Variants in SUPT20HL1 observed in about 807,000 individuals in gnomAD.
SUPT20HL1 encodes the protein SUPT20H like 1, also known as transcription factor SPT20 homolog-like 1.
For missense variants in SUPT20HL1, 277 were observed against 200.3 expected, an observed-to-expected ratio of 1.38 and a Z score of -2.31; for synonymous variants, 133 against 79.2, an observed-to-expected ratio of 1.68 and a Z score of -3.61.
Position 24,365,532 on chromosome X carries a change from A to AT in SUPT20HL1, c.*112dup. On this transcript the variant is annotated 3_prime_UTR_variant, in exon 1 of 1. Transcript: ENST00000686983. ...TTTTTTTCATGTTTCGGTATTTTAC[A>AT]TTTTAAAGTACACAGTTTACACAGA... 1.1e-5 allele frequency: 3 copies of AT among 283,311 alleles called. No individual in the cohort carries two copies. Among genetic ancestry groups the AT allele is most frequent in the East Asian group, 1.8e-4 (2 of 11,072 alleles). The allele number at this position is 283,311 out of a possible 1,213,427, so 23.3% of individuals were successfully genotyped here. A position where few individuals can be genotyped will look rare whatever the true frequency, so the allele number is the denominator to read the frequency against.
At position 24,362,559 on chromosome X, in the gene SUPT20HL1, G is replaced by A. The variant is rs1939435529; in HGVS notation, c.-202G>A. On this transcript the variant is annotated 5_prime_UTR_variant, in exon 1 of 1. Coordinates refer to ENST00000686983, the MANE Select transcript of SUPT20HL1 (RefSeq NM_001136234.3). ...TCCGGCCACGACGACGACCCCTCAG[G>A]TACCCATGTTTTCAGAAACCCTCAA... Among the ~76,000 whole-genome samples, 1 of 112,384 alleles carries A rather than the reference G, an allele frequency of 8.9e-6. No individual in the cohort carries two copies. Among genetic ancestry groups the A allele is most frequent in the Non-Finnish European group, 1.9e-5 (1 of 53,184 alleles).
rs759119802 is a variant in SUPT20HL1 at position 24,365,142 on chromosome X, G to A, written c.2382G>A (p.Pro794=). ...LRQQQPQPQP[P]KLQLQPQWQP... The stretch of plus-strand genomic sequence containing the variant: ...AGCAGCAGCCACAGCCACAGCCGCC[G>A]AAGCTGCAACTGCAACCGCAGTGGC... Residue 794 remains proline (P), a synonymous_variant, in exon 1 of 1, where the codon CCG becomes CCA. Transcript: ENST00000686983. 3 of 343,991 alleles carry A rather than the reference G, an allele frequency of 8.7e-6. 1 individual carries two copies. The highest frequency in any genetic ancestry group is 1.8e-5 in the Non-Finnish European group (3 of 171,420). 28.3% of individuals were successfully genotyped at this position (343,991 alleles called of 1,213,427 possible).
rs1366925107 is a variant in SUPT20HL1 at position 24,366,370 on chromosome X, C to G, written c.*946C>G. 8.9e-6 allele frequency among the ~76,000 whole-genome samples: 1 copy of G among 111,736 alleles called. No homozygotes were observed. Among genetic ancestry groups the G allele is most frequent in the Non-Finnish European group, 1.9e-5 (1 of 53,152 alleles). Reference sequence around the variant, plus strand: ...AAAAGTACAATACAGTGATCCTTGTCACACTGCGATTGAATACATGGAAGA... The same window carrying G: ...AAAAGTACAATACAGTGATCCTTGTGACACTGCGATTGAATACATGGAAGA... On this transcript the variant is annotated 3_prime_UTR_variant, in exon 1 of 1. Transcript: ENST00000686983.
rs1166252967 is a variant in SUPT20HL1 at position 24,361,846 on chromosome X, A to G, written c.-915A>G. 8.9e-6 allele frequency among the ~76,000 whole-genome samples: 1 copy of G among 112,112 alleles called. No homozygotes were observed. The highest frequency in any genetic ancestry group is 1.9e-5 in the Non-Finnish European group (1 of 53,276). ...GTCAGGTACTGATGCATCTACATGAACACCCCCAGGCGGGAGCTCACTCGA... is the reference window on the plus strand; with the variant it reads ...GTCAGGTACTGATGCATCTACATGAGCACCCCCAGGCGGGAGCTCACTCGA... On this transcript the variant is annotated 5_prime_UTR_variant, in exon 1 of 1. Transcript: ENST00000686983.
rs1157266826 is a variant in SUPT20HL1, at chrX:24,366,734, C to T, written c.*1310C>T. On this transcript the variant is annotated 3_prime_UTR_variant, in exon 1 of 1. Transcript: ENST00000686983. ...ATCAGTTGTTCATCTGTTTCTGCTC[C>T]CTCATTTTTTCCCTTGTTCCAGTGA... 1.1e-5 allele frequency among the ~76,000 whole-genome samples: 1 copy of T among 94,701 alleles called. No individual in the cohort carries two copies. The highest frequency in any genetic ancestry group is 2.0e-5 in the Non-Finnish European group (1 of 50,044). The allele number at this position is 94,701 out of a possible 115,157, so 82.2% of individuals were successfully genotyped here. A position where few individuals can be genotyped will look rare whatever the true frequency, so the allele number is the denominator to read the frequency against.
rs767162353 is a variant in SUPT20HL1 at position 24,365,160 on chromosome X, G to A, written c.2400G>A (p.Pro800=). 3.5e-5 allele frequency: 12 copies of A among 345,048 alleles called. No homozygotes were observed. Among genetic ancestry groups the A allele is most frequent in the Middle Eastern group, 9.4e-4 (2 of 2,123 alleles). 28.4% of individuals were successfully genotyped at this position (345,048 alleles called of 1,213,427 possible). Residue 800 remains proline, a synonymous_variant, in exon 1 of 1, where the codon CCG becomes CCA. Transcript: ENST00000686983. The stretch of plus-strand genomic sequence containing the variant: ...AGCCGCCGAAGCTGCAACTGCAACC[G>A]CAGTGGCAGCCAAAGCCACGGCAGG... The part of the protein sequence containing the change: ...QPQPPKLQLQ[P]QWQPKPRQEQ...
rs991485093 is a variant in SUPT20HL1, at chrX:24,362,520, G to T, written c.-241G>T. On this transcript the variant is annotated 5_prime_UTR_variant, in exon 1 of 1. Transcript: ENST00000686983. ...CTCCCGCTCACTTCCGTTCCAGGCCGCAGAGACGCGAAGTCCGGCCACGAC... is the reference window on the plus strand; with the variant it reads ...CTCCCGCTCACTTCCGTTCCAGGCCTCAGAGACGCGAAGTCCGGCCACGAC... Among the ~76,000 whole-genome samples the T allele has an allele frequency of 9.2e-6, 1 of 108,210 alleles. No homozygotes were observed. The highest frequency in any genetic ancestry group is 1.9e-5 in the Non-Finnish European group (1 of 51,984). The allele number at this position is 108,210 out of a possible 115,157, so 94.0% of individuals were successfully genotyped here.
chrX:24,364,595 A>G lies in SUPT20HL1; in HGVS notation c.1835A>G (p.Asn612Ser), dbSNP rs756628305. The change falls in exon 1 of 1, where the codon AAT becomes AGT. Residue 612 changes from asparagine to serine, a missense_variant. Physicochemically the swap from Asn to Ser is conservative, Grantham distance 46 (BLOSUM62 1). Coordinates refer to ENST00000686983, the MANE Select transcript of SUPT20HL1 (RefSeq NM_001136234.3). ...GGCTCCACTGGCCTAAAGGCCATCA[A>G]TGTGGAGGGCCCAGTCCAGGGAGCC... ...RTGSTGLKAI[N>S]VEGPVQGAQA... 1.6e-5 allele frequency: 8 copies of G among 514,370 alleles called. No homozygotes were observed. The highest frequency in any genetic ancestry group is 2.9e-5 in the Non-Finnish European group (8 of 275,441). 42.4% of individuals were successfully genotyped at this position (514,370 alleles called of 1,213,427 possible).
chrX:24,365,144 A>T lies in SUPT20HL1; in HGVS notation c.2384A>T (p.Lys795Met), dbSNP rs1395278379. 5.8e-6 allele frequency: 2 copies of T among 344,358 alleles called. No individual in the cohort carries two copies. Among genetic ancestry groups the T allele is most frequent in the Admixed American group, 6.2e-5 (2 of 32,252 alleles). 28.4% of individuals were successfully genotyped at this position (344,358 alleles called of 1,213,427 possible). A position where few individuals can be genotyped will look rare whatever the true frequency, so the allele number is the denominator to read the frequency against. Residue 795 changes from lysine (K) to methionine (M), a missense_variant, in exon 1 of 1, where the codon AAG (lysine) becomes ATG (methionine). By Grantham distance (95) the Lys-to-Met change is moderately conservative. Transcript: ENST00000686983. Reference sequence around the variant, plus strand: ...CAGCAGCCACAGCCACAGCCGCCGAAGCTGCAACTGCAACCGCAGTGGCAG... The same window carrying T: ...CAGCAGCCACAGCCACAGCCGCCGATGCTGCAACTGCAACCGCAGTGGCAG... Reference protein sequence around the residue: ...RQQQPQPQPPKLQLQPQWQPK... With the variant: ...RQQQPQPQPPMLQLQPQWQPK...
In SUPT20HL1 at chrX:24,367,462, G is replaced by A. The variant is rs1178167356; in HGVS notation, c.*2038G>A. Among the ~76,000 whole-genome samples the A allele has an allele frequency of 8.9e-6, 1 of 112,428 alleles. No homozygotes were observed. Among genetic ancestry groups the A allele is most frequent in the Non-Finnish European group, 1.9e-5 (1 of 53,305 alleles). On this transcript the variant is annotated 3_prime_UTR_variant, in exon 1 of 1. Coordinates refer to ENST00000686983, the MANE Select transcript of SUPT20HL1 (RefSeq NM_001136234.3). ...ACATCAGTGAAGAGGCAGGTAACTG[G>A]TTAATCTTACTTGACAAAACCTATT...
At position 24,363,567 on chromosome X, in the gene SUPT20HL1, A is replaced by C. The variant is rs1939444348; in HGVS notation, c.807A>C (p.Gln269His). ...AGCTGAGAGTGTCGACTTCTGGCCA[A>C]AAAGAAGAAAGAAAAGTAGGTCAGC... ...PPELRVSTSG[Q>H]KEERKVGQPC... The change falls in exon 1 of 1, where the codon CAA (glutamine) becomes CAC (histidine). Residue 269 changes from glutamine to histidine, a missense_variant. Gln to His is a conservative substitution (Grantham distance 24, BLOSUM62 0). Transcript: ENST00000686983. 2 of 387,474 alleles carry C rather than the reference A, an allele frequency of 5.2e-6. No individual in the cohort carries two copies. The highest frequency in any genetic ancestry group is 2.5e-5 in the African/African-American group (1 of 39,893). The allele number at this position is 387,474 out of a possible 1,213,427, so 31.9% of individuals were successfully genotyped here.
rs1030311412 is a variant in SUPT20HL1, at chrX:24,362,096, T to C, written c.-665T>C. Among the ~76,000 whole-genome samples, 2 of 112,725 alleles carry C rather than the reference T, an allele frequency of 1.8e-5. No individual in the cohort carries two copies. The highest frequency in any genetic ancestry group is 6.4e-5 in the African/African-American group (2 of 31,106). On this transcript the variant is annotated 5_prime_UTR_variant, in exon 1 of 1. An upstream open reading frame in the 5' UTR loses its in-frame stop. Transcript: ENST00000686983. Reference sequence around the variant, plus strand: ...CCGACAGCGGCATTCCTGTGGAAACTGATGTCTATGCACGGTGCGAAAGAT... The same window carrying C: ...CCGACAGCGGCATTCCTGTGGAAACCGATGTCTATGCACGGTGCGAAAGAT...
In SUPT20HL1 at chrX:24,364,307, CTGCTCCTGCTCCTGCTCTAGCTGCTGCTG is replaced by C. The variant is rs1228857966; in HGVS notation, c.1548_1576del (p.Ala517CysfsTer54). ...GCTGCTGCTGCTGCTGCTGCTGCTG[CTGCTCCTGCTCCTGCTCTAGCTGCTGCTG>C]CTGCTCCTGCTCTAGCTGCTGCTGC... On this transcript the variant is annotated frameshift_variant, in exon 1 of 1. Coordinates refer to ENST00000686983, the MANE Select transcript of SUPT20HL1 (RefSeq NM_001136234.3). LOFTEE classifies it low-confidence loss of function (END_TRUNC). The C allele has an allele frequency of 3.4e-4, 307 of 901,287 alleles. No homozygotes were observed. The African/African-American group carries it at 5.7e-3, about 17-fold the overall frequency. The allele number at this position is 901,287 out of a possible 1,213,427, so 74.3% of individuals were successfully genotyped here. A position where few individuals can be genotyped will look rare whatever the true frequency, so the allele number is the denominator to read the frequency against.
In SUPT20HL1 at chrX:24,361,962, G is replaced by T. The variant is rs773964792; in HGVS notation, c.-799G>T. 1.8e-5 allele frequency among the ~76,000 whole-genome samples: 2 copies of T among 112,337 alleles called. No individual in the cohort carries two copies. The highest frequency in any genetic ancestry group is 9.4e-5 in the Admixed American group (1 of 10,624). On this transcript the variant is annotated 5_prime_UTR_variant, in exon 1 of 1. Coordinates refer to ENST00000686983, the MANE Select transcript of SUPT20HL1 (RefSeq NM_001136234.3). Reference sequence around the variant, plus strand: ...TACCGCGGGCTCATTCCGCAGCCCAGTGGCTGACAGATACCAACAGCAGCC... The same window carrying T: ...TACCGCGGGCTCATTCCGCAGCCCATTGGCTGACAGATACCAACAGCAGCC...
rs1264337079 is a variant in SUPT20HL1, at chrX:24,365,589, G to A, written c.*165G>A. On this transcript the variant is annotated 3_prime_UTR_variant, in exon 1 of 1. Coordinates refer to ENST00000686983, the MANE Select transcript of SUPT20HL1 (RefSeq NM_001136234.3). ...ATCCACTGATTTTTCTTTAGAAACGGAAGTGATTTCCTAAAGGAGCGTTGT... is the reference window on the plus strand; with the variant it reads ...ATCCACTGATTTTTCTTTAGAAACGAAAGTGATTTCCTAAAGGAGCGTTGT... Among the ~76,000 whole-genome samples, 1 of 111,613 alleles carries A rather than the reference G, an allele frequency of 9.0e-6. No individual in the cohort carries two copies. The highest frequency in any genetic ancestry group is 1.9e-5 in the Non-Finnish European group (1 of 53,183).
rs1204841645 is a variant in SUPT20HL1, at chrX:24,365,094, C to T, written c.2334C>T (p.Val778=). The part of the protein sequence containing the change: ...LGSAQVPQQG[V]QLPSVLRQQQ... Reference sequence around the variant, plus strand: ...CTGCCCAGGTTCCTCAGCAGGGTGTCCAGCTCCCCTCTGTCTTGAGGCAGC... The same window carrying T: ...CTGCCCAGGTTCCTCAGCAGGGTGTTCAGCTCCCCTCTGTCTTGAGGCAGC... Residue 778 remains valine, a synonymous_variant, in exon 1 of 1, where the codon GTC becomes GTT. Coordinates refer to ENST00000686983, the MANE Select transcript of SUPT20HL1 (RefSeq NM_001136234.3). The T allele has an allele frequency of 5.8e-6, 2 of 345,038 alleles. No individual in the cohort carries two copies. The highest frequency in any genetic ancestry group is 3.1e-5 in the Admixed American group (1 of 32,343). The allele number at this position is 345,038 out of a possible 1,213,427, so 28.4% of individuals were successfully genotyped here.
Position 24,364,201 on chromosome X carries a change from C to G in SUPT20HL1, c.1441C>G (p.Pro481Ala). 1.3e-6 allele frequency: 1 copy of G among 767,698 alleles called. No homozygotes were observed. The highest frequency in any genetic ancestry group is 2.0e-6 in the Non-Finnish European group (1 of 507,168). 63.3% of individuals were successfully genotyped at this position (767,698 alleles called of 1,213,427 possible). A position where few individuals can be genotyped will look rare whatever the true frequency, so the allele number is the denominator to read the frequency against. ...SGKISSGNSF[P>A]PQQAGSPLKR... is the part of the protein sequence containing the mutation. Reference sequence around the variant, plus strand: ...AAAGATTTCCTCAGGTAACAGTTTTCCCCCACAACAGGCAGGCAGCCCTCT... The same window carrying G: ...AAAGATTTCCTCAGGTAACAGTTTTGCCCCACAACAGGCAGGCAGCCCTCT... The change falls in exon 1 of 1, where the codon CCC becomes GCC. Residue 481 changes from proline (P) to alanine (A), a missense_variant. By Grantham distance (27) the Pro-to-Ala change is conservative (BLOSUM62 -1). Coordinates refer to ENST00000686983, the MANE Select transcript of SUPT20HL1 (RefSeq NM_001136234.3).
chrX:24,360,707 G>T lies in SUPT20HL1; in HGVS notation c.-2054G>T, dbSNP rs2148148982. ...ATTAAATTGCCCATTTCACTTGGAT[G>T]GAATATAATTTCACTTCTCCATATG... On this transcript the variant is annotated 5_prime_UTR_variant, in exon 1 of 1. The change abolishes an upstream ATG in the 5' untranslated region. Transcript: ENST00000686983. 8.9e-6 allele frequency among the ~76,000 whole-genome samples: 1 copy of T among 111,971 alleles called. No homozygotes were observed. The highest frequency in any genetic ancestry group is 3.7e-4 in the South Asian group (1 of 2,698).
rs1037504720 is a variant in SUPT20HL1, at chrX:24,367,642, T to G, written c.*2218T>G. Among the ~76,000 whole-genome samples the G allele has an allele frequency of 1.8e-5, 2 of 112,426 alleles. No homozygotes were observed. Among genetic ancestry groups the G allele is most frequent in the Non-Finnish European group, 3.8e-5 (2 of 53,271 alleles). Reference sequence around the variant, plus strand: ...GAAGCGAACCAGTGCAACGACTGGTTGCAAAGAAGAGTTTCTCCTTAGCTT... The same window carrying G: ...GAAGCGAACCAGTGCAACGACTGGTGGCAAAGAAGAGTTTCTCCTTAGCTT... On this transcript the variant is annotated 3_prime_UTR_variant, in exon 1 of 1. Coordinates refer to ENST00000686983, the MANE Select transcript of SUPT20HL1 (RefSeq NM_001136234.3).
Sources: gnomAD v4.1 joint callset for allele counts (sites outside exome capture counted in the v4.1 genomes callset) on GRCh38, gnomAD v4.1.1 for gene constraint, MANE v1.5 for transcripts, NCBI Gene and HGNC (gene_info 2026-07-23, HGNC 2026-07-21) for gene names.